Variants in COL4A2 observed in about 807,000 individuals in gnomAD.
The protein encoded by COL4A2 is collagen alpha-2(IV) chain.
In COL4A2, 99 loss-of-function variants were observed where a neutral mutation model predicts 200.2. The observed-to-expected ratio is 0.49, with a 90% CI of 0.42 to 0.58. The LOEUF (loss-of-function observed/expected upper bound fraction) is 0.58. Among genes scored for constraint, COL4A2 ranks in the 20% least tolerant of loss-of-function variants. COL4A2 has a pLI of 0.00. For missense variants in COL4A2, 1,950 were observed against 2,314.1 expected, an observed-to-expected ratio of 0.84 and a Z score of 3.23; for synonymous variants, 897 against 900.6, an observed-to-expected ratio of 1.00 and a Z score of 0.07.
chr13:110,405,436 G>A (rs1401977975), intron 4 of COL4A2, among the ~76,000 whole-genome samples: 2 of 116,586 alleles, frequency 1.7e-5, no homozygotes, highest in Non-Finnish European at 3.6e-5. Context: ...ACCCACCCCC[G>A]GCCCCCACCC....
Position 110,508,411 on chromosome 13 carries a change from C to G in COL4A2, c.4881+190C>G. On this transcript the variant is annotated intron_variant, in intron 47 of 47. Transcript: ENST00000360467. This position sits in a 1 kb window ranked among gnomAD's most constrained non-coding sequence, Gnocchi z 6.1. ...GGCTAACTGAGCCACATGCTGGGCA[C>G]AGGGCTTCCTCCACCCAGAAAGGGC... is the stretch of plus-strand genomic sequence containing the variant. 1 of 892,924 alleles carries G rather than the reference C, an allele frequency of 1.1e-6. No individual in the cohort carries two copies. 55.3% of individuals were successfully genotyped at this position (892,924 alleles called of 1,614,324 possible).
At chr13:110,357,004 T>C (rs530717675) in intron 3 of COL4A2, among the ~76,000 whole-genome samples, 1 of 152,268 alleles carries the variant, frequency 6.6e-6, no homozygotes, top group Non-Finnish European at 1.5e-5. Flanking sequence ...GACCTTGTGA[T>C]CCACCCGCCT....
chr13:110,501,555 T>C (rs1883640634), intron 40 of COL4A2, 113 bp from the exon 41 acceptor site: 3 of 862,720 alleles, frequency 3.5e-6, no homozygotes, highest in Middle Eastern at 3.3e-4. Context: ...CTCCCATCAC[T>C]GTCTCGCTCG....
At position 110,307,888 on chromosome 13, in the gene COL4A2, T is replaced by G. The variant is rs2139333988; in HGVS notation, c.-16T>G. 3 of 1,610,678 alleles carry G rather than the reference T, an allele frequency of 1.9e-6. No individual in the cohort carries two copies. In the Middle Eastern group the frequency reaches 5.0e-4, roughly 269 times the overall value. On this transcript the variant is annotated 5_prime_UTR_variant, in exon 2 of 48. Coordinates refer to ENST00000360467, the MANE Select transcript of COL4A2 (RefSeq NM_001846.4). The surrounding 1 kb of genome is among the most constrained non-coding windows in gnomAD (Gnocchi z 5.0). ...AAGTGGGACTGACCGGGGCCCAGAG[T>G]GGACGAACCGCCAGCATGGGGAGAG...
chr13:110,324,837 A>G (rs1053741254), intron 3 of COL4A2, among the ~76,000 whole-genome samples: 5 of 152,154 alleles, frequency 3.3e-5, no homozygotes, highest in African/African-American at 9.7e-5. Context: ...CGTGGTGAGG[A>G]CCACCCTACG....
At chr13:110,493,689 C>G (rs180765807) in intron 39 of COL4A2, among the ~76,000 whole-genome samples, 1 of 152,270 alleles carries the variant, frequency 6.6e-6, no homozygotes, top group Non-Finnish European at 1.5e-5. Flanking sequence ...TTCCACCTGC[C>G]CCTGGGCAGT....
At chr13:110,395,316 C>T (rs1879146510) in intron 4 of COL4A2, among the ~76,000 whole-genome samples, 1 of 152,198 alleles carries the variant, frequency 6.6e-6, no homozygotes, top group Non-Finnish European at 1.5e-5. Flanking sequence ...GAAGTGACTG[C>T]CACTGCCATG....
rs539902681 is a variant in COL4A2, at chr13:110,464,635, G to A, written c.1777-770G>A. Among the ~76,000 whole-genome samples the A allele has an allele frequency of 5.9e-5, 9 of 152,348 alleles. No individual in the cohort carries two copies. The East Asian group carries it at 1.7e-3, about 29-fold the overall frequency. ...TCATGCCTTTGACAAGGAAGGGGCT[G>A]TGGTGTCAGTGGAGAGCAGGGTTTG... On this transcript the variant is annotated intron_variant, in intron 24 of 47. Transcript: ENST00000360467.
chr13:110,461,065 C>T (rs562795645), intron 22 of COL4A2, among the ~76,000 whole-genome samples: 119 of 152,336 alleles, frequency 7.8e-4, no homozygotes, highest in Non-Finnish European at 1.5e-3. Flanking sequence ...GAAAACACAA[C>T]GCTGATGGGT....
intron 4 of COL4A2, among the ~76,000 whole-genome samples, chr13:110,361,044 T>C (rs1218729518): frequency 6.6e-6 from 1 of 152,264 alleles, no homozygotes; most frequent in East Asian, 1.9e-4. Context: ...AAATAGCTGA[T>C]GATAAAAGGT....
At chr13:110,355,040 C>T (rs1268290616) in intron 3 of COL4A2, among the ~76,000 whole-genome samples, 4 of 152,188 alleles carry the variant, frequency 2.6e-5, no homozygotes, top group Non-Finnish European at 4.4e-5. Context: ...GTCATTGACA[C>T]GTAACTCAGA....
chr13:110,438,181 A>T (rs1450020758), intron 14 of COL4A2, 144 bp downstream of exon 14: 3 of 663,266 alleles, frequency 4.5e-6, no homozygotes, highest in Non-Finnish European at 5.3e-6. Flanking sequence ...CAGTATTAGC[A>T]TGCATTTTTA....
At chr13:110,465,295 G>A (rs780376451) in intron 24 of COL4A2, 110 bp from the exon 25 acceptor site, 1 of 1,379,916 alleles carries the variant, frequency 7.2e-7, no homozygotes, top group Non-Finnish European at 9.8e-7. Context: ...TTGTCTTTCT[G>A]TTCTGGATCC....
intron 3 of COL4A2, among the ~76,000 whole-genome samples, chr13:110,319,159 G>C (rs1406604370): frequency 6.6e-6 from 1 of 152,072 alleles, no homozygotes; most frequent in African/African-American, 2.4e-5. Context: ...TCTGGTGCCT[G>C]GAGTGCTGAG....
intron 39 of COL4A2, 86 bp from the exon 40 acceptor site, chr13:110,495,256 G>A (rs1216054477): frequency 1.3e-6 from 2 of 1,531,244 alleles, no homozygotes; most frequent in African/African-American, 1.4e-5. Flanking sequence ...TTGCTTTTGA[G>A]GCACCCCAAG....
chr13:110,498,439 AGATGGGATTTCGACAG>A (rs1432794132), intron 40 of COL4A2, among the ~76,000 whole-genome samples: 1 of 152,188 alleles, frequency 6.6e-6, no homozygotes, highest in African/African-American at 2.4e-5. Flanking sequence ...GAGGAAACTG[AGATGGGATTTCGACAG>A]GGTGCACACA....
At chr13:110,461,879 C>T in intron 22 of COL4A2, 1 of 600,260 alleles carries the variant, frequency 1.7e-6, no homozygotes. Context: ...CATCCAGTTC[C>T]TCAGTCCCAC....
intron 22 of COL4A2, among the ~76,000 whole-genome samples, chr13:110,459,921 A>G (rs949321732): frequency 8.5e-5 from 13 of 152,226 alleles, no homozygotes; most frequent in African/African-American, 3.1e-4. Context: ...GACCCCACAC[A>G]CATCAGCTCA....
rs538325329 is a variant in COL4A2 at position 110,504,178 on chromosome 13, C to T, written c.4316C>T (p.Pro1439Leu). 17 of 1,614,040 alleles carry T rather than the reference C, an allele frequency of 1.1e-5. No individual in the cohort carries two copies. Among genetic ancestry groups the T allele is most frequent in the South Asian group, 3.3e-5 (3 of 91,090 alleles). The change falls in exon 45 of 48, where the codon CCC becomes CTC. Residue 1439 changes from proline (P) to leucine (L), a missense_variant. Around this residue, in one of 2 missense-constraint regions of COL4A2, gnomAD observed 1,385 missense variants for 1,720.5 expected, o/e 0.80. Transcript: ENST00000360467. ...CGTGGGGCTCCAGGGAAAGCTGGGC[C>T]CCAAGGAAGAGGTGGTGTGTCTGCT... is the stretch of plus-strand genomic sequence containing the variant. The part of the protein sequence containing the change: ...GFRGAPGKAG[P>L]QGRGGVSAVP...
Sources: gnomAD v4.1 joint callset for allele counts (sites outside exome capture counted in the v4.1 genomes callset) on GRCh38, gnomAD v4.1.1 for gene constraint, gnomAD v4.1.1 regional missense constraint, Gnocchi (gnomAD v3.1) non-coding constraint, MANE v1.5 for transcripts, NCBI Gene and HGNC (gene_info 2026-07-23, HGNC 2026-07-21) for gene names.